Variants in TAFA2 observed in about 807,000 individuals in gnomAD.
The protein encoded by TAFA2 is TAFA chemokine like family member 2, also known as chemokine-like protein TAFA-2.
A neutral mutation model predicts 18.8 loss-of-function variants in TAFA2; 7 were observed. The ratio of observed to expected loss-of-function variants is 0.37; its 90% confidence interval spans 0.21 to 0.70. The LOEUF is 0.70. Ranked by LOEUF, TAFA2 falls within the 30% of genes least tolerant of loss-of-function variation. The pLI is 0.53. For synonymous variants in TAFA2, 60 were observed against 54.2 expected (o/e 1.11, Z -0.47); for missense variants, 122 against 158.1 (o/e 0.77, Z 1.23).
chr12:61,825,135 G>T (rs1251739442), intron 2 of TAFA2, among the ~76,000 whole-genome samples: 1 of 152,106 alleles, frequency 6.6e-6, no homozygotes, highest in Non-Finnish European at 1.5e-5. Context: ...CAAGTGATTT[G>T]GGCTTGAAAG....
intron 4 of TAFA2, among the ~76,000 whole-genome samples, chr12:61,744,901 C>A (rs1361753035): frequency 6.6e-6 from 1 of 152,056 alleles, no homozygotes; most frequent in African/African-American, 2.4e-5. Context: ...AGTGTCCTGT[C>A]TACCTTGAAC....
chr12:62,002,042 T>C (rs927640207), intron 1 of TAFA2, among the ~76,000 whole-genome samples: 3 of 152,172 alleles, frequency 2.0e-5, no homozygotes, highest in African/African-American at 7.2e-5. Context: ...TGCCTCTCTC[T>C]TCTGTGGAAC....
intron 1 of TAFA2, chr12:61,879,625 G>A: frequency 1.2e-6 from 1 of 822,796 alleles, no homozygotes; most frequent in South Asian, 1.3e-5. Context: ...TTCAAAACAA[G>A]TTTGCCTCCT....
At chr12:62,174,382 C>A (rs1256759713) in intron 1 of TAFA2, among the ~76,000 whole-genome samples, 1 of 151,758 alleles carries the variant, frequency 6.6e-6, no homozygotes, top group Non-Finnish European at 1.5e-5. Context: ...CTGGGGAACA[C>A]CAATATTTCA....
chr12:61,884,642 G>C (rs904970954), intron 1 of TAFA2, among the ~76,000 whole-genome samples: 1 of 152,052 alleles, frequency 6.6e-6, no homozygotes, highest in Non-Finnish European at 1.5e-5. Context: ...ATTTGTTTCA[G>C]AAAGACCTTC....
chr12:61,952,546 GAACT>G (rs1485971314), intron 1 of TAFA2, among the ~76,000 whole-genome samples: 1 of 151,874 alleles, frequency 6.6e-6, no homozygotes, highest in Non-Finnish European at 1.5e-5. Flanking sequence ...TAAACTTCAA[GAACT>G]AACACAGATA....
At chr12:62,237,069 A>C (rs1171129050) in intron 1 of TAFA2, among the ~76,000 whole-genome samples, 1 of 152,140 alleles carries the variant, frequency 6.6e-6, no homozygotes, top group Non-Finnish European at 1.5e-5. Context: ...TCTTCCTTGA[A>C]CACCAATGAC....
At chr12:61,806,996 C>T (rs1337480965) in intron 2 of TAFA2, among the ~76,000 whole-genome samples, 1 of 152,160 alleles carries the variant, frequency 6.6e-6, no homozygotes, top group Admixed American at 6.5e-5. Context: ...AAAAGAAAAT[C>T]CCATTCTCTG....
chr12:62,173,103 G>A (rs946144439), intron 1 of TAFA2, among the ~76,000 whole-genome samples: 14 of 151,518 alleles, frequency 9.2e-5, no homozygotes, highest in East Asian at 3.9e-4. Flanking sequence ...TTACATACAC[G>A]GAAAAAAGAT....
rs531666405 is a variant in TAFA2, at chr12:62,165,981, A to G, written c.-2+25278T>C. 7.3e-5 allele frequency among the ~76,000 whole-genome samples: 11 copies of G among 150,730 alleles called. No individual in the cohort carries two copies. The East Asian group carries it at 2.2e-3, about 30-fold the overall frequency. On this transcript the variant is annotated intron_variant, in intron 1 of 4. Transcript: ENST00000416284. ...CACACACACACACACACAGACGCAA[A>G]CATTACAGAATTTGCAAAAATGATC...
At chr12:61,990,677 G>A (rs1285803227) in intron 1 of TAFA2, among the ~76,000 whole-genome samples, 1 of 152,092 alleles carries the variant, frequency 6.6e-6, no homozygotes, top group Non-Finnish European at 1.5e-5. Flanking sequence ...TATCTATTCT[G>A]ACCAACACAC....
rs533679547 is a variant in TAFA2 at position 61,769,092 on chromosome 12, C to T, written c.107-14068G>A. The stretch of plus-strand genomic sequence containing the variant: ...AGCTTTCCCCCACTTCCCCACTTCC[C>T]TGGTATGAAGCAGCAGAGGCAGCCA... On this transcript the variant is annotated intron_variant, in intron 2 of 4. Coordinates refer to ENST00000416284, the MANE Select transcript of TAFA2 (RefSeq NM_178539.5). Among the ~76,000 whole-genome samples the T allele has an allele frequency of 1.6e-3, 241 of 151,910 alleles. 4 individuals carry two copies. The highest frequency in any genetic ancestry group is 5.6e-3 in the African/African-American group (233 of 41,472).
At chr12:62,007,580 A>G (rs1297911510) in intron 1 of TAFA2, among the ~76,000 whole-genome samples, 2 of 152,182 alleles carry the variant, frequency 1.3e-5, no homozygotes, top group African/African-American at 4.8e-5. Flanking sequence ...AGAGTGATCT[A>G]ATGACTTCCA....
intron 1 of TAFA2, among the ~76,000 whole-genome samples, chr12:62,064,262 T>A (rs1263937137): frequency 6.6e-6 from 1 of 152,112 alleles, no homozygotes; most frequent in Non-Finnish European, 1.5e-5. Flanking sequence ...ATATTTATAT[T>A]TTGTGGAATT....
chr12:61,923,410 G>A (rs756870770), intron 1 of TAFA2, among the ~76,000 whole-genome samples: 13 of 152,214 alleles, frequency 8.5e-5, no homozygotes, highest in Non-Finnish European at 1.6e-4. Flanking sequence ...AGCAATCTTT[G>A]CTGTTCTGCA....
intron 1 of TAFA2, among the ~76,000 whole-genome samples, chr12:61,996,219 C>A (rs1442500261): frequency 6.6e-6 from 1 of 152,010 alleles, no homozygotes; most frequent in Admixed American, 6.6e-5. Flanking sequence ...AGAAAAATGC[C>A]TCCACACTGC....
chr12:62,095,513 A>G (rs1471283243), intron 1 of TAFA2, among the ~76,000 whole-genome samples: 1 of 152,188 alleles, frequency 6.6e-6, no homozygotes, highest in Non-Finnish European at 1.5e-5. Flanking sequence ...GCATAGCAAG[A>G]AATTAGTATC....
At chr12:61,990,462 C>A (rs1006614019) in intron 1 of TAFA2, among the ~76,000 whole-genome samples, 1 of 151,220 alleles carries the variant, frequency 6.6e-6, no homozygotes, top group African/African-American at 2.4e-5. Context: ...GCCTCAGCCT[C>A]CCGAGTAGCT....
intron 2 of TAFA2, chr12:61,827,042 T>G (rs1321292928): frequency 6.6e-6 from 1 of 152,026 alleles, no homozygotes; most frequent in Non-Finnish European, 1.5e-5. Flanking sequence ...CCACTTACAA[T>G]ACACCAAGCC....
Sources: gnomAD v4.1 joint callset for allele counts (sites outside exome capture counted in the v4.1 genomes callset) on GRCh38, gnomAD v4.1.1 for gene constraint, MANE v1.5 for transcripts, NCBI Gene and HGNC (gene_info 2026-07-23, HGNC 2026-07-21) for gene names.